ANKS1B: variants seen among roughly 807,000 people sequenced by gnomAD.
ANKS1B encodes ankyrin repeat and sterile alpha motif domain-containing protein 1B.
Under a neutral mutation model 148.3 loss-of-function variants are expected in ANKS1B, and 36 were observed. That is an observed-to-expected ratio of 0.24 (90% CI 0.19 to 0.32). The LOEUF (loss-of-function observed/expected upper bound fraction) is 0.32. Ranked by LOEUF, ANKS1B falls within the 10% of genes least tolerant of loss-of-function variation. ANKS1B has a pLI of 1.00. For missense variants in ANKS1B, 1,157 were observed against 1,542.6 expected (o/e 0.75, Z 4.19); for synonymous variants, 542 against 560.8 (o/e 0.97, Z 0.47).
intron 1 of ANKS1B, among the ~76,000 whole-genome samples, chr12:99,862,867 G>A (rs2090217436): frequency 6.6e-6 from 1 of 152,130 alleles, no homozygotes; most frequent in Non-Finnish European, 1.5e-5. Context: ...AGGAGGGGAA[G>A]CTGACATGGA....
rs1023954922 is a variant in ANKS1B at position 99,678,708 on chromosome 12, C to G, written c.1129-23498G>C. On this transcript the variant is annotated intron_variant, in intron 8 of 26. Transcript: ENST00000683438. ...AAAAGCACTCTGGAGCTAAACACTC[C>G]CATTTAATTATTTATTGTTGTTTAA... is the stretch of plus-strand genomic sequence containing the variant. 1.2e-4 allele frequency among the ~76,000 whole-genome samples: 19 copies of G among 152,224 alleles called. 1 individual carries two copies. In the South Asian group the frequency reaches 1.7e-3, roughly 13 times the overall value.
intron 15 of ANKS1B, among the ~76,000 whole-genome samples, chr12:99,116,230 G>A (rs1487899830): frequency 6.6e-6 from 1 of 152,138 alleles, no homozygotes; most frequent in East Asian, 1.9e-4. Context: ...CCTGGTCTGA[G>A]AAGGAAAATC....
intron 1 of ANKS1B, among the ~76,000 whole-genome samples, chr12:99,867,375 T>A (rs1318594940): frequency 6.6e-6 from 1 of 152,120 alleles, no homozygotes; most frequent in African/African-American, 2.4e-5. Context: ...ACCAATTATA[T>A]CAGTCTATTT....
chr12:99,934,009 T>C (rs540892009), intron 1 of ANKS1B, among the ~76,000 whole-genome samples: 1 of 152,274 alleles, frequency 6.6e-6, no homozygotes, highest in East Asian at 1.9e-4. Flanking sequence ...ATAGTTTTTC[T>C]CAGTATCTAA....
chr12:99,778,932 C>A (rs1010655517), intron 6 of ANKS1B, among the ~76,000 whole-genome samples: 13 of 152,152 alleles, frequency 8.5e-5, no homozygotes, highest in African/African-American at 3.1e-4. Context: ...CAACTGACAC[C>A]TAATAAAACC....
chr12:99,561,879 G>A (rs1233610943), intron 9 of ANKS1B, among the ~76,000 whole-genome samples: 2 of 152,078 alleles, frequency 1.3e-5, no homozygotes, highest in Non-Finnish European at 2.9e-5. Flanking sequence ...CAAGTAGAAT[G>A]GTAAATCCTT....
At chr12:99,007,371 A>G (rs2099936714) in intron 17 of ANKS1B, among the ~76,000 whole-genome samples, 1 of 152,248 alleles carries the variant, frequency 6.6e-6, no homozygotes, top group African/African-American at 2.4e-5. Flanking sequence ...TGGACTTTTT[A>G]TGAAGATAGC....
chr12:99,043,862 T>G (rs1373004280), intron 17 of ANKS1B, among the ~76,000 whole-genome samples: 1 of 152,228 alleles, frequency 6.6e-6, no homozygotes, highest in African/African-American at 2.4e-5. Flanking sequence ...CTTTGAATCT[T>G]TATGATCAAT....
At chr12:99,438,080 C>G (rs997562320) in intron 11 of ANKS1B, among the ~76,000 whole-genome samples, 6 of 151,690 alleles carry the variant, frequency 4.0e-5, no homozygotes, top group African/African-American at 1.2e-4. Context: ...TTCTTTATAT[C>G]CACAGTAAGA....
intron 1 of ANKS1B, among the ~76,000 whole-genome samples, chr12:99,856,553 C>T (rs954421618): frequency 1.6e-4 from 24 of 151,954 alleles, no homozygotes; most frequent in Admixed American, 6.5e-5. Flanking sequence ...ATCACCCTAA[C>T]ACCAAAACCA....
chr12:98,780,093 G>A (rs1161450418), intron 24 of ANKS1B, among the ~76,000 whole-genome samples: 2 of 152,202 alleles, frequency 1.3e-5, no homozygotes, highest in Non-Finnish European at 1.5e-5. Flanking sequence ...CACTGCCCGT[G>A]AGACTTTTCC....
intron 10 of ANKS1B, among the ~76,000 whole-genome samples, chr12:99,499,909 G>T (rs990480304): frequency 4.6e-5 from 7 of 151,792 alleles, no homozygotes; most frequent in Non-Finnish European, 7.4e-5. Context: ...CTTAAAATAC[G>T]TGGCATTAGC....
At chr12:99,170,852 T>G (rs1177987932) in intron 14 of ANKS1B, among the ~76,000 whole-genome samples, 1 of 152,124 alleles carries the variant, frequency 6.6e-6, no homozygotes, top group Non-Finnish European at 1.5e-5. Flanking sequence ...GAAAAAGCAA[T>G]GTGGGGCCAA....
At chr12:99,139,321 C>G in intron 15 of ANKS1B, among the ~76,000 whole-genome samples, 1 of 109,580 alleles carries the variant, frequency 9.1e-6, no homozygotes, top group African/African-American at 3.6e-5. Flanking sequence ...CTCCCCTTCT[C>G]TCCTTTCTCT....
intron 10 of ANKS1B, among the ~76,000 whole-genome samples, chr12:99,474,023 G>T (rs1243006009): frequency 6.6e-6 from 1 of 152,022 alleles, no homozygotes; most frequent in Non-Finnish European, 1.5e-5. Flanking sequence ...TATATTGAAA[G>T]ATTTTTGGTG....
At chr12:99,677,198 T>C (rs188410616) in intron 8 of ANKS1B, among the ~76,000 whole-genome samples, 3 of 152,330 alleles carry the variant, frequency 2.0e-5, no homozygotes, top group Non-Finnish European at 4.4e-5. Context: ...CTAGACCTAA[T>C]TTCTAGTTTC....
intron 17 of ANKS1B, among the ~76,000 whole-genome samples, chr12:98,859,600 T>C (rs1415824298): frequency 6.6e-6 from 1 of 152,242 alleles, no homozygotes; most frequent in Non-Finnish European, 1.5e-5. Context: ...AGGTATAATT[T>C]GGATGTTGAC....
chr12:99,887,690 C>T (rs973184011), intron 1 of ANKS1B, among the ~76,000 whole-genome samples: 2 of 152,100 alleles, frequency 1.3e-5, no homozygotes, highest in South Asian at 2.1e-4. Context: ...AGTACTAGTA[C>T]GAGGTTAAAT....
At chr12:98,931,662 C>CA (rs1267738555) in intron 17 of ANKS1B, 1 of 152,144 alleles carries the variant, frequency 6.6e-6, no homozygotes. Context: ...CTTATGTTGT[C>CA]AAATATTTCC....
Sources: gnomAD v4.1 joint callset for allele counts (sites outside exome capture counted in the v4.1 genomes callset) on GRCh38, gnomAD v4.1.1 for gene constraint, MANE v1.5 for transcripts, NCBI Gene and HGNC (gene_info 2026-07-23, HGNC 2026-07-21) for gene names.